The following ERI3 variants were observed in gnomAD, a reference collection of about 807,000 sequenced individuals.
The protein encoded by ERI3 is ERI1 exoribonuclease family member 3.
A neutral mutation model predicts 44.4 loss-of-function variants in ERI3; 18 were observed. The ratio of observed to expected loss-of-function variants is 0.41; its 90% CI spans 0.28 to 0.60. The LOEUF (loss-of-function observed/expected upper bound fraction) is 0.60, where lower values mean the gene tolerates loss of function less well. Among genes scored for constraint, ERI3 ranks in the 20% least tolerant of loss-of-function variants. The pLI, the probability that ERI3 is intolerant of heterozygous loss-of-function variation, is 0.36. For missense variants in ERI3, 294 were observed against 435.5 expected (o/e 0.68, Z 2.89); for synonymous variants, 183 against 164.8 (o/e 1.11, Z -0.84).
rs138426620 is a variant in ERI3, at chr1:44,286,278, C to T, written c.759-1371G>A. ...CCCCTGCCCCATCTTTAGTACGCCACTAGAAGGAAGCATGAGTTTGGGAAT... is the reference window on the plus strand; with the variant it reads ...CCCCTGCCCCATCTTTAGTACGCCATTAGAAGGAAGCATGAGTTTGGGAAT... On this transcript the variant is annotated intron_variant, in intron 6 of 8. Coordinates refer to ENST00000372257, the MANE Select transcript of ERI3 (RefSeq NM_024066.3). Among the ~76,000 whole-genome samples the T allele has an allele frequency of 8.5e-5, 13 of 152,302 alleles. No homozygotes were observed. The East Asian group carries it at 2.5e-3, about 29-fold the overall frequency.
chr1:44,354,548 A>G (rs1157547083), intron 1 of ERI3: 1 of 985,296 alleles, frequency 1.0e-6, no homozygotes, highest in Non-Finnish European at 1.2e-6. Context: ...TCAGATTTAC[A>G]AAGAGGTAAA....
At chr1:44,293,230 G>A (rs915465279) in intron 6 of ERI3, among the ~76,000 whole-genome samples, 22 of 152,250 alleles carry the variant, frequency 1.4e-4, no homozygotes, top group African/African-American at 4.6e-4. Flanking sequence ...GGCAAGCCCC[G>A]CTGTCCTCTC....
At chr1:44,313,574 T>C (rs1557843310) in intron 4 of ERI3, among the ~76,000 whole-genome samples, 1 of 152,190 alleles carries the variant, frequency 6.6e-6, no homozygotes, top group Non-Finnish European at 1.5e-5. Flanking sequence ...TTCAATAGGC[T>C]CAATAACTTC....
intron 7 of ERI3, among the ~76,000 whole-genome samples, chr1:44,264,331 C>T (rs116440616): frequency 0.014 from 2,138 of 152,274 alleles, 62 homozygotes; most frequent in African/African-American, 0.049. Flanking sequence ...CCCGCCCACC[C>T]GCACACACCC....
chr1:44,289,805 T>C lies in ERI3; in HGVS notation c.759-4898A>G, dbSNP rs777141509. Among the ~76,000 whole-genome samples, 58 of 152,238 alleles carry C rather than the reference T, an allele frequency of 3.8e-4. 1 individual carries two copies. The highest frequency in any genetic ancestry group is 4.4e-5 in the Non-Finnish European group (3 of 68,044). ...GGGTATGGCCACGGTGAAGCCCTTG[T>C]GAGCGGGAGCTCAGCTTTGAAGATT... is the stretch of plus-strand genomic sequence containing the variant. On this transcript the variant is annotated intron_variant, in intron 6 of 8. Coordinates refer to ENST00000372257, the MANE Select transcript of ERI3 (RefSeq NM_024066.3).
chr1:44,299,236 ACAGTGG>A (rs1281487774), intron 6 of ERI3, among the ~76,000 whole-genome samples: 1 of 152,120 alleles, frequency 6.6e-6, no homozygotes, highest in Non-Finnish European at 1.5e-5. Flanking sequence ...AGGCTGGAGT[ACAGTGG>A]CACAATCATG....
intron 3 of ERI3, among the ~76,000 whole-genome samples, chr1:44,333,271 T>TA (rs1353247635): frequency 2.6e-5 from 4 of 152,268 alleles, no homozygotes; most frequent in Admixed American, 6.5e-5. Context: ...ACCATAATGT[T>TA]ACATTAACGT....
chr1:44,221,188 C>G lies in ERI3; in HGVS notation c.*370G>C, dbSNP rs971976005. The stretch of plus-strand genomic sequence containing the variant: ...ATCTGTCCTGGAGCCCTGGGGGCAC[C>G]ACACACCATGCACTATGGATGGGAG... On this transcript the variant is annotated 3_prime_UTR_variant, in exon 9 of 9. Coordinates refer to ENST00000372257, the MANE Select transcript of ERI3 (RefSeq NM_024066.3). The surrounding 1 kb of genome is among the most constrained non-coding windows in gnomAD (Gnocchi z 5.9). 4.7e-5 allele frequency: 15 copies of G among 317,422 alleles called. No homozygotes were observed. The highest frequency in any genetic ancestry group is 6.0e-6 in the Non-Finnish European group (1 of 167,866). The allele number at this position is 317,422 out of a possible 1,614,324, so 19.7% of individuals were successfully genotyped here.
At chr1:44,327,851 T>C (rs1014500787) in intron 3 of ERI3, among the ~76,000 whole-genome samples, 7 of 152,192 alleles carry the variant, frequency 4.6e-5, no homozygotes, top group African/African-American at 1.7e-4. Context: ...CAAAGACCAT[T>C]TTTCAAACCA....
intron 3 of ERI3, among the ~76,000 whole-genome samples, chr1:44,334,144 T>C (rs1646485924): frequency 6.6e-6 from 1 of 152,202 alleles, no homozygotes; most frequent in Non-Finnish European, 1.5e-5. Flanking sequence ...GGATGGCAGC[T>C]CCTCGGATGG....
chr1:44,355,222 G>T lies in ERI3; in HGVS notation c.-196C>A, dbSNP rs559494054. ...GCCCGTTCCCGGCCGCCTGAACAGCGGCAGCCAGCACCACGAGTCCACAAC... is the reference window on the plus strand; with the variant it reads ...GCCCGTTCCCGGCCGCCTGAACAGCTGCAGCCAGCACCACGAGTCCACAAC... On this transcript the variant is annotated 5_prime_UTR_variant, in exon 1 of 9. Transcript: ENST00000372257. 1.1e-5 allele frequency: 13 copies of T among 1,187,060 alleles called. No homozygotes were observed. Among genetic ancestry groups the T allele is most frequent in the Non-Finnish European group, 1.4e-5 (13 of 959,424 alleles). The allele number at this position is 1,187,060 out of a possible 1,614,324, so 73.5% of individuals were successfully genotyped here. A position where few individuals can be genotyped will look rare whatever the true frequency, so the allele number is the denominator to read the frequency against.
chr1:44,238,091 G>A (rs1215458700), intron 8 of ERI3, among the ~76,000 whole-genome samples: 2 of 152,114 alleles, frequency 1.3e-5, no homozygotes, highest in South Asian at 4.1e-4. Flanking sequence ...AGGCAGCCTC[G>A]ATAACTCGCT....
At position 44,345,754 on chromosome 1, in the gene ERI3, G is replaced by A. The variant is rs576775503; in HGVS notation, c.212-6432C>T. Among the ~76,000 whole-genome samples the A allele has an allele frequency of 3.9e-5, 6 of 152,318 alleles. No individual in the cohort carries two copies. In the South Asian group the frequency reaches 1.2e-3, roughly 32 times the overall value. ...TATCCTTACTGCCAGAGCACTCTCT[G>A]TGTGAAAAACAAACTGTCAAAGGTG... On this transcript the variant is annotated intron_variant, in intron 2 of 8. Coordinates refer to ENST00000372257, the MANE Select transcript of ERI3 (RefSeq NM_024066.3).
intron 7 of ERI3, among the ~76,000 whole-genome samples, chr1:44,263,821 T>A (rs1644938967): frequency 6.6e-6 from 1 of 152,242 alleles, no homozygotes; most frequent in African/African-American, 2.4e-5. Context: ...CTCTGAGCCC[T>A]GAGCCCTTCC....
chr1:44,349,544 C>T (rs751551242), intron 2 of ERI3, among the ~76,000 whole-genome samples: 8 of 152,188 alleles, frequency 5.3e-5, no homozygotes, highest in Admixed American at 2.6e-4. Context: ...GTAAATTCCT[C>T]CTGTCTGCTG....
intron 1 of ERI3, chr1:44,353,433 T>C (rs1646936608): frequency 3.0e-6 from 3 of 985,326 alleles, no homozygotes; most frequent in Middle Eastern, 5.2e-4. Flanking sequence ...AAAACATCAA[T>C]AGATACCTAT....
chr1:44,292,992 G>A (rs956837750), intron 6 of ERI3, among the ~76,000 whole-genome samples: 8 of 152,356 alleles, frequency 5.3e-5, no homozygotes, highest in South Asian at 2.1e-4. Context: ...GCAAGGGAGC[G>A]GGAAGCCGAC....
intron 7 of ERI3, among the ~76,000 whole-genome samples, chr1:44,275,757 T>C (rs77295188): frequency 1.3e-5 from 2 of 152,128 alleles, no homozygotes; most frequent in African/African-American, 4.8e-5. Flanking sequence ...GTGGCCCTTA[T>C]CCCTACAGCT....
intron 8 of ERI3, among the ~76,000 whole-genome samples, chr1:44,238,649 A>G (rs912878505): frequency 6.6e-6 from 1 of 152,140 alleles, no homozygotes; most frequent in Non-Finnish European, 1.5e-5. Context: ...GGAGGCAGGA[A>G]GGATGCCTGA....
Sources: gnomAD v4.1 joint callset for allele counts (sites outside exome capture counted in the v4.1 genomes callset) on GRCh38, gnomAD v4.1.1 for gene constraint, Gnocchi (gnomAD v3.1) non-coding constraint, MANE v1.5 for transcripts, NCBI Gene and HGNC (gene_info 2026-07-23, HGNC 2026-07-21) for gene names.